The following BCAR3 variants were observed in gnomAD, a reference collection of about 807,000 sequenced individuals.
BCAR3 encodes BCAR3 adaptor protein, NSP family member.
In BCAR3, 37 loss-of-function variants were observed where a neutral mutation model predicts 80.1. The ratio of observed to expected loss-of-function variants is 0.46; its 90% CI spans 0.36 to 0.61. The LOEUF is 0.61. BCAR3 is among the 20% of genes least tolerant of loss of function. The pLI is 0.00. For missense variants in BCAR3, 978 were observed against 1,068.2 expected, an observed-to-expected ratio of 0.92 and a Z score of 1.18; for synonymous variants, 389 against 418.9, an observed-to-expected ratio of 0.93 and a Z score of 0.87.
intron 2 of BCAR3, among the ~76,000 whole-genome samples, chr1:93,783,332 C>T (rs193261476): frequency 6.8e-4 from 103 of 152,316 alleles, no homozygotes; most frequent in African/African-American, 2.3e-3. Context: ...ACGCTTCCTA[C>T]TCCAGTCATA....
Position 93,586,570 on chromosome 1 carries a change from G to A in BCAR3, c.929+2407C>T, listed in dbSNP as rs1673951960. 6.6e-6 allele frequency among the ~76,000 whole-genome samples: 1 copy of A among 152,172 alleles called. No homozygotes were observed. Among genetic ancestry groups the A allele is most frequent in the African/African-American group, 2.4e-5 (1 of 41,438 alleles). ...CTCTTCTGGGTATATACCCAGCAGT[G>A]GGATTGCTGGATCATATAGTAGCTC... On this transcript the variant is annotated intron_variant, in intron 5 of 11. Transcript: ENST00000260502. The surrounding 1 kb of genome is among the most constrained non-coding windows in gnomAD (Gnocchi z 4.2).
At chr1:93,563,341 A>G (rs1672781641) in intron 11 of BCAR3, among the ~76,000 whole-genome samples, 1 of 152,178 alleles carries the variant, frequency 6.6e-6, no homozygotes, top group African/African-American at 2.4e-5. Flanking sequence ...TTCACTTAGC[A>G]TGATGTTTTT....
intron 5 of BCAR3, among the ~76,000 whole-genome samples, chr1:93,585,998 A>T (rs1318318362): frequency 6.6e-6 from 1 of 152,230 alleles, no homozygotes; most frequent in Non-Finnish European, 1.5e-5. Flanking sequence ...AATGTGAAAT[A>T]AGTGTATCAT....
At chr1:93,811,427 A>G (rs1653837078) in intron 2 of BCAR3, among the ~76,000 whole-genome samples, 1 of 152,238 alleles carries the variant, frequency 6.6e-6, no homozygotes, top group African/African-American at 2.4e-5. Context: ...TCAAAGACAG[A>G]GGGTGAGGCT....
intron 3 of BCAR3, among the ~76,000 whole-genome samples, chr1:93,603,401 T>C (rs1299351466): frequency 6.6e-6 from 1 of 152,186 alleles, no homozygotes; most frequent in African/African-American, 2.4e-5. Flanking sequence ...GGAAAGGGTG[T>C]CTTACTCTTA....
At chr1:93,752,008 G>A (rs1162140040) in intron 2 of BCAR3, among the ~76,000 whole-genome samples, 2 of 152,226 alleles carry the variant, frequency 1.3e-5, no homozygotes, top group South Asian at 4.1e-4. Context: ...TGCACTTGAA[G>A]GTTTGCTTTG....
intron 2 of BCAR3, among the ~76,000 whole-genome samples, chr1:93,709,242 G>A (rs948718188): frequency 1.3e-5 from 2 of 152,190 alleles, no homozygotes; most frequent in Non-Finnish European, 2.9e-5. Flanking sequence ...TCTGATAACA[G>A]CAGGCCTTCC....
At chr1:93,846,813 G>A (rs970808110) in intron 1 of BCAR3, 3 of 470,484 alleles carry the variant, frequency 6.4e-6, no homozygotes, top group Non-Finnish European at 1.3e-5. Flanking sequence ...ACGAGCTCTC[G>A]GAGGATGCTG....
intron 2 of BCAR3, among the ~76,000 whole-genome samples, chr1:93,838,963 C>T (rs775013105): frequency 9.2e-5 from 14 of 152,116 alleles, no homozygotes; most frequent in Non-Finnish European, 1.3e-4. Context: ...AGTCTAGTTC[C>T]AAATTTCAGT....
At chr1:93,768,481 T>C (rs1557681993) in intron 2 of BCAR3, among the ~76,000 whole-genome samples, 1 of 152,008 alleles carries the variant, frequency 6.6e-6, no homozygotes, top group Non-Finnish European at 1.5e-5. Context: ...GCTGGAAAAG[T>C]GTCTGTGGGA....
At chr1:93,634,354 G>A (rs1367495058) in intron 3 of BCAR3, among the ~76,000 whole-genome samples, 2 of 152,156 alleles carry the variant, frequency 1.3e-5, no homozygotes, top group East Asian at 3.9e-4. Context: ...TTCCCATGCT[G>A]TTCTCATGAT....
chr1:93,739,497 A>G (rs943820861), intron 2 of BCAR3, among the ~76,000 whole-genome samples: 8 of 152,198 alleles, frequency 5.3e-5, no homozygotes, highest in African/African-American at 1.9e-4. Flanking sequence ...AAAAATGTAT[A>G]GTGTCATCTT....
chr1:93,698,352 T>C (rs1649499138), intron 3 of BCAR3, among the ~76,000 whole-genome samples: 1 of 152,222 alleles, frequency 6.6e-6, no homozygotes, highest in African/African-American at 2.4e-5. Flanking sequence ...GATAAGACAC[T>C]GGTAGCAGCC....
At chr1:93,667,483 G>C (rs1647982131) in intron 2 of BCAR3, among the ~76,000 whole-genome samples, 1 of 152,194 alleles carries the variant, frequency 6.6e-6, no homozygotes, top group African/African-American at 2.4e-5. Flanking sequence ...CAAAAACAAG[G>C]ATATGAACTG....
chr1:93,801,777 T>G (rs116625514), intron 2 of BCAR3, among the ~76,000 whole-genome samples: 1,655 of 152,206 alleles, frequency 0.011, 32 homozygotes, highest in African/African-American at 0.038. Context: ...AGTAACATAG[T>G]AAGGCATATA....
chr1:93,654,590 C>T (rs897267881), intron 2 of BCAR3, among the ~76,000 whole-genome samples: 6 of 152,164 alleles, frequency 3.9e-5, no homozygotes, highest in African/African-American at 1.4e-4. Flanking sequence ...GGTATGAAGT[C>T]GCCAAGTTTT....
At chr1:93,643,979 C>T (rs1676077027) in intron 2 of BCAR3, among the ~76,000 whole-genome samples, 1 of 152,022 alleles carries the variant, frequency 6.6e-6, no homozygotes, top group Admixed American at 6.6e-5. Flanking sequence ...AGAGTCATGC[C>T]CTACAAACCA....
chr1:93,808,446 C>G (rs1653726588), intron 2 of BCAR3, among the ~76,000 whole-genome samples: 1 of 152,136 alleles, frequency 6.6e-6, no homozygotes, highest in Non-Finnish European at 1.5e-5. Context: ...GATATGAAAG[C>G]AGAATTGTAC....
chr1:93,744,975 T>C (rs1439855687), intron 2 of BCAR3, among the ~76,000 whole-genome samples: 1 of 152,250 alleles, frequency 6.6e-6, no homozygotes, highest in African/African-American at 2.4e-5. Context: ...TCTTTTTTAC[T>C]TAATTACCTC....
Sources: allele counts gnomAD v4.1 joint callset (sites outside exome capture counted in the v4.1 genomes callset), GRCh38; gene constraint gnomAD v4.1.1; non-coding constraint Gnocchi (gnomAD v3.1); transcripts MANE v1.5; gene names NCBI Gene and HGNC (gene_info 2026-07-23, HGNC 2026-07-21).